Variants in AFAP1L2 observed in about 807,000 individuals in gnomAD.
The protein encoded by AFAP1L2 is actin filament-associated protein 1-like 2.
Under a neutral mutation model 99.3 loss-of-function variants are expected in AFAP1L2, and 46 were observed. That is an observed-to-expected ratio of 0.46 (90% CI 0.37 to 0.59). The LOEUF (loss-of-function observed/expected upper bound fraction) is 0.59. AFAP1L2 is among the 20% of genes least tolerant of loss of function. The pLI, the probability that AFAP1L2 is intolerant of heterozygous loss-of-function variation, is 0.00. For missense variants in AFAP1L2, 959 were observed against 1,034.9 expected (o/e 0.93, Z 1.01); for synonymous variants, 397 against 419.1 (o/e 0.95, Z 0.64).
At chr10:114,374,642 C>T (rs2054559802) in intron 1 of AFAP1L2, among the ~76,000 whole-genome samples, 2 of 151,874 alleles carry the variant, frequency 1.3e-5, no homozygotes, top group South Asian at 4.2e-4. Context: ...GAGTCCTGAA[C>T]TCACCCCCTC....
At chr10:114,325,529 T>A (rs2046130104) in intron 4 of AFAP1L2, among the ~76,000 whole-genome samples, 1 of 152,208 alleles carries the variant, frequency 6.6e-6, no homozygotes, top group Non-Finnish European at 1.5e-5. Flanking sequence ...TCCTCTGGCA[T>A]GTGGCACCCC....
downstream of AFAP1L2, chr10:114,290,139 C>G: frequency 6.8e-7 from 1 of 1,464,506 alleles, no homozygotes; most frequent in Non-Finnish European, 9.2e-7. Flanking sequence ...GGAGACATGA[C>G]TCTAGTAGCC....
chr10:114,313,830 A>G, intron 7 of AFAP1L2, 41 bp downstream of exon 7: 2 of 1,542,496 alleles, frequency 1.3e-6, no homozygotes, highest in Non-Finnish European at 1.7e-6. Context: ...TGGGGGCCAC[A>G]ACTCTAGGAA....
chr10:114,391,104 A>G (rs974379949), intron 1 of AFAP1L2, among the ~76,000 whole-genome samples: 1 of 152,156 alleles, frequency 6.6e-6, no homozygotes, highest in Non-Finnish European at 1.5e-5. Flanking sequence ...CCAGCTGCCT[A>G]TTAATTTTGT....
upstream of AFAP1L2, among the ~76,000 whole-genome samples, chr10:114,405,009 G>A (rs1027526834): frequency 4.6e-5 from 7 of 152,194 alleles, no homozygotes; most frequent in African/African-American, 1.7e-4. Flanking sequence ...GAGGGGCGAG[G>A]AGGGCAGCGG....
chr10:114,283,772 C>T, the AFAP1L2 span, among the ~76,000 whole-genome samples: 1 of 152,254 alleles, frequency 6.6e-6, no homozygotes, highest in Non-Finnish European at 1.5e-5. Context: ...AGGCCACTGT[C>T]GTCGATCTCA....
chr10:114,291,548 A>T, downstream of AFAP1L2: 1 of 349,066 alleles, frequency 2.9e-6, no homozygotes, highest in South Asian at 4.4e-5. Context: ...GTCATCTGCC[A>T]CCTTTCCCTT....
At chr10:114,386,058 G>T (rs2056461044) in intron 1 of AFAP1L2, among the ~76,000 whole-genome samples, 1 of 152,138 alleles carries the variant, frequency 6.6e-6, no homozygotes, top group Non-Finnish European at 1.5e-5. Context: ...AGACTCGGCT[G>T]AGAGTCTGAA....
At chr10:114,396,212 T>C (rs1405685326) in intron 1 of AFAP1L2, among the ~76,000 whole-genome samples, 1 of 152,086 alleles carries the variant, frequency 6.6e-6, no homozygotes, top group African/African-American at 2.4e-5. Flanking sequence ...CTGTGCTTAA[T>C]AGAGATGCAG....
rs1270483763 is a variant in AFAP1L2 at position 114,404,447 on chromosome 10, C to T, written c.9G>A (p.Arg3=). ME[R]YKALEQLLTE... Reference sequence around the variant, plus strand: ...AGGAACCCGCGCCCTCACCTTTGTACCGCTCCATCGGGGCCACGGAGTGCG... The same window carrying T: ...AGGAACCCGCGCCCTCACCTTTGTATCGCTCCATCGGGGCCACGGAGTGCG... The change falls in exon 1 of 19, where the codon CGG becomes CGA. Residue 3 remains arginine, a synonymous_variant. Transcript: ENST00000304129. 5.2e-6 allele frequency: 8 copies of T among 1,542,316 alleles called. No individual in the cohort carries two copies. The highest frequency in any genetic ancestry group is 7.0e-6 in the Non-Finnish European group (8 of 1,145,980).
intron 13 of AFAP1L2, 137 bp from the exon 14 acceptor site, chr10:114,300,827 C>G: frequency 1.1e-5 from 13 of 1,197,840 alleles, no homozygotes; most frequent in African/African-American, 1.5e-5. Flanking sequence ...CTGGGGGGGC[C>G]ACTGGCTGAG....
chr10:114,350,039 G>C (rs1029053841), intron 1 of AFAP1L2, among the ~76,000 whole-genome samples: 4 of 152,080 alleles, frequency 2.6e-5, no homozygotes, highest in African/African-American at 9.7e-5. Context: ...TTGCACTACT[G>C]GAAAAACAAC....
At chr10:114,349,159 C>T (rs1164945321) in intron 1 of AFAP1L2, among the ~76,000 whole-genome samples, 1 of 152,024 alleles carries the variant, frequency 6.6e-6, no homozygotes, top group Non-Finnish European at 1.5e-5. Context: ...GGATGGATCA[C>T]TTGAGGTCAA....
chr10:114,404,559 G>C, upstream of AFAP1L2: 1 of 1,387,492 alleles, frequency 7.2e-7, no homozygotes, highest in Non-Finnish European at 9.3e-7. Flanking sequence ...GTGAGGTCAC[G>C]CTCGCGGCCG....
At chr10:114,376,122 CT>C (rs2054766239) in intron 1 of AFAP1L2, among the ~76,000 whole-genome samples, 1 of 152,204 alleles carries the variant, frequency 6.6e-6, no homozygotes, top group Admixed American at 6.5e-5. Context: ...CCTCCTACCT[CT>C]GCCAAAAAGC....
intron 2 of AFAP1L2, among the ~76,000 whole-genome samples, chr10:114,338,826 G>A (rs1371811048): frequency 6.6e-6 from 1 of 152,030 alleles, no homozygotes; most frequent in Admixed American, 6.5e-5. Flanking sequence ...AGGACGCAAG[G>A]GTATACAATT....
At chr10:114,384,043 A>G (rs945094) in intron 1 of AFAP1L2, among the ~76,000 whole-genome samples, 6 of 151,758 alleles carry the variant, frequency 4.0e-5, no homozygotes, top group African/African-American at 1.5e-4. Flanking sequence ...CCAATGACAA[A>G]GGATGCAACA....
Position 114,315,683 on chromosome 10 carries a change from C to A in AFAP1L2, c.489G>T (p.Trp163Cys), listed in dbSNP as rs768531018. ...GSKGKSAPYQ[W>C]PSPEAGIELM... Reference sequence around the variant, plus strand: ...GCTCGATGCCGGCCTCCGGCGAGGGCCACTGGTAAGGGGCCGACTTGCCCT... The same window carrying A: ...GCTCGATGCCGGCCTCCGGCGAGGGACACTGGTAAGGGGCCGACTTGCCCT... Residue 163 changes from tryptophan (W) to cysteine (C), a missense_variant, in exon 6 of 19, where the codon TGG (tryptophan) becomes TGT (cysteine). Physicochemically the swap from Trp to Cys is radical, Grantham distance 215 (BLOSUM62 -2). This residue lies in a region of AFAP1L2 where 383 missense variants were observed against 472.8 expected (regional missense o/e 0.81). Transcript: ENST00000304129. 5.6e-6 allele frequency: 9 copies of A among 1,613,712 alleles called. No homozygotes were observed. The Admixed American group carries it at 1.2e-4, about 21-fold the overall frequency.
chr10:114,330,030 ACC>A (rs1218941430), intron 4 of AFAP1L2, among the ~76,000 whole-genome samples: 1 of 152,136 alleles, frequency 6.6e-6, no homozygotes, highest in Non-Finnish European at 1.5e-5. Flanking sequence ...TCACAGGGAC[ACC>A]AGGGACTCAG....
Sources: allele counts gnomAD v4.1 joint callset (sites outside exome capture counted in the v4.1 genomes callset), GRCh38; gene constraint gnomAD v4.1.1; regional missense constraint gnomAD v4.1.1; transcripts MANE v1.5; gene names NCBI Gene and HGNC (gene_info 2026-07-23, HGNC 2026-07-21).